The following FHIT variants were observed in gnomAD, a reference collection of about 807,000 sequenced individuals.
FHIT encodes the protein bis(5'-adenosyl)-triphosphatase.
A neutral mutation model predicts 17.9 loss-of-function variants in FHIT; 19 were observed. The observed-to-expected ratio is 1.06, with a 90% confidence interval of 0.74 to 1.56. FHIT has a LOEUF of 1.56. Among genes scored for constraint, FHIT ranks in the 40% most tolerant of loss-of-function variants. The probability of loss-of-function intolerance (pLI) is 0.00; values close to 1 mark genes in which losing one functional copy is unlikely to be tolerated. For missense variants in FHIT, 248 were observed against 189.2 expected, an observed-to-expected ratio of 1.31 and a Z score of -1.82; for synonymous variants, 81 against 69.7, an observed-to-expected ratio of 1.16 and a Z score of -0.81.
intron 3 of FHIT, among the ~76,000 whole-genome samples, chr3:60,859,163 A>T (rs142830493): frequency 1.3e-5 from 2 of 152,270 alleles, no homozygotes; most frequent in East Asian, 3.9e-4. Context: ...TCCTATCCCA[A>T]TAGGAGTATC....
rs148781488 is a variant in FHIT at position 60,865,667 on chromosome 3, G to A, written c.-110-43656C>T. Among the ~76,000 whole-genome samples the A allele has an allele frequency of 2.3e-3, 352 of 152,128 alleles. 2 individuals are homozygous for A. The highest frequency in any genetic ancestry group is 8.0e-3 in the African/African-American group (333 of 41,478). On this transcript the variant is annotated intron_variant, in intron 3 of 9. Transcript: ENST00000492590. ...CAGCTCTGTCTTGGGCTCTGTGCTA[G>A]GCATTTCATATCTGTTATGCTACTT...
At chr3:60,908,454 C>A (rs529406698) in intron 3 of FHIT, among the ~76,000 whole-genome samples, 2 of 152,186 alleles carry the variant, frequency 1.3e-5, no homozygotes, top group East Asian at 3.9e-4. Flanking sequence ...TATCATTATA[C>A]AATTAATCAG....
chr3:60,181,164 T>TTTTTA (rs1701913961), intron 5 of FHIT, among the ~76,000 whole-genome samples: 1 of 137,316 alleles, frequency 7.3e-6, no homozygotes. Flanking sequence ...TTTTTTTTTT[T>TTTTTA]GAGACTGAGT....
At chr3:60,819,949 T>C (rs1701869376) in intron 4 of FHIT, among the ~76,000 whole-genome samples, 1 of 152,166 alleles carries the variant, frequency 6.6e-6, no homozygotes, top group Non-Finnish European at 1.5e-5. Flanking sequence ...TGTCAGTAAT[T>C]ATTGATATTA....
chr3:59,949,257 A>T (rs1706991982), intron 7 of FHIT, among the ~76,000 whole-genome samples: 1 of 152,150 alleles, frequency 6.6e-6, no homozygotes, highest in Non-Finnish European at 1.5e-5. Context: ...TTCTTTCCCT[A>T]ACTTCTTTAC....
chr3:60,361,819 G>C (rs564676392), intron 5 of FHIT, among the ~76,000 whole-genome samples: 2 of 152,262 alleles, frequency 1.3e-5, no homozygotes, highest in African/African-American at 2.4e-5. Flanking sequence ...TAGTAAAGGA[G>C]GATAAATCTT....
intron 5 of FHIT, among the ~76,000 whole-genome samples, chr3:60,339,315 C>A (rs1016061988): frequency 2.0e-5 from 3 of 152,090 alleles, no homozygotes; most frequent in African/African-American, 7.2e-5. Context: ...TTTGAGCCAG[C>A]ACACTATATT....
chr3:60,861,315 A>G (rs1434244678), intron 3 of FHIT, among the ~76,000 whole-genome samples: 1 of 122,168 alleles, frequency 8.2e-6, no homozygotes, highest in African/African-American at 3.5e-5. Context: ...GGTTTTGACG[A>G]AGCTCATTAC....
intron 8 of FHIT, among the ~76,000 whole-genome samples, chr3:59,755,393 G>A (rs1203125822): frequency 2.0e-5 from 3 of 152,208 alleles, no homozygotes; most frequent in Admixed American, 6.5e-5. Context: ...CTACAGTTTG[G>A]AGTAAAGTTC....
At chr3:59,957,551 A>C (rs1183597195) in intron 7 of FHIT, among the ~76,000 whole-genome samples, 1 of 152,266 alleles carries the variant, frequency 6.6e-6, no homozygotes, top group Non-Finnish European at 1.5e-5. Flanking sequence ...AGTGCTCAGC[A>C]CAAGGTAAGT....
At chr3:60,497,381 A>T (rs1347776235) in intron 5 of FHIT, among the ~76,000 whole-genome samples, 2 of 152,208 alleles carry the variant, frequency 1.3e-5, no homozygotes, top group Non-Finnish European at 1.5e-5. Flanking sequence ...CTGCCACATT[A>T]TTCTTTGTAC....
chr3:59,804,312 CT>C (rs1373196914), intron 8 of FHIT, among the ~76,000 whole-genome samples: 4 of 152,198 alleles, frequency 2.6e-5, no homozygotes, highest in Non-Finnish European at 4.4e-5. Flanking sequence ...ATTATCTACA[CT>C]GCCCCATTTC....
chr3:59,873,301 G>C (rs1208853798), intron 8 of FHIT, among the ~76,000 whole-genome samples: 1 of 152,174 alleles, frequency 6.6e-6, no homozygotes, highest in Non-Finnish European at 1.5e-5. Context: ...TTTCTGGATG[G>C]ATGGATGGGT....
intron 5 of FHIT, among the ~76,000 whole-genome samples, chr3:60,523,410 AAAC>A (rs2035448616): frequency 1.3e-5 from 2 of 152,298 alleles, no homozygotes; most frequent in South Asian, 4.1e-4. Context: ...ATAAATGAAT[AAAC>A]AAACTAAAAT....
At chr3:60,473,649 T>C (rs2033200002) in intron 5 of FHIT, among the ~76,000 whole-genome samples, 1 of 152,224 alleles carries the variant, frequency 6.6e-6, no homozygotes, top group Admixed American at 6.5e-5. Context: ...CTGGGCGCAG[T>C]GGCTCACGCC....
intron 3 of FHIT, among the ~76,000 whole-genome samples, chr3:61,021,945 C>G (rs1245996986): frequency 6.6e-6 from 1 of 151,892 alleles, no homozygotes; most frequent in East Asian, 1.9e-4. Flanking sequence ...ACTAGAAAAG[C>G]AAGAGCAAAC....
At chr3:60,210,436 A>G (rs926380299) in intron 5 of FHIT, among the ~76,000 whole-genome samples, 2 of 152,200 alleles carry the variant, frequency 1.3e-5, no homozygotes, top group Non-Finnish European at 2.9e-5. Flanking sequence ...AGTAATAAGG[A>G]AAAACATGGA....
At chr3:60,647,809 T>A (rs1408022798) in intron 4 of FHIT, among the ~76,000 whole-genome samples, 1 of 152,144 alleles carries the variant, frequency 6.6e-6, no homozygotes, top group Non-Finnish European at 1.5e-5. Flanking sequence ...CAGAAAATTA[T>A]TGCAAAGGAG....
At chr3:60,294,625 A>T (rs922877611) in intron 5 of FHIT, among the ~76,000 whole-genome samples, 1 of 152,116 alleles carries the variant, frequency 6.6e-6, no homozygotes, top group Non-Finnish European at 1.5e-5. Flanking sequence ...ACCATACAGA[A>T]CATTACCATT....
Sources: gnomAD v4.1 joint callset for allele counts (sites outside exome capture counted in the v4.1 genomes callset) on GRCh38, gnomAD v4.1.1 for gene constraint, MANE v1.5 for transcripts, NCBI Gene and HGNC (gene_info 2026-07-23, HGNC 2026-07-21) for gene names.